Variants in B3GALT1 observed in about 807,000 individuals in gnomAD.
B3GALT1 encodes beta-1,3-galactosyltransferase 1, also known as UDP-Gal:betaGlcNAc beta 1,3-galactosyltransferase, polypeptide 1.
B3GALT1 carries 10 observed loss-of-function variants against 23.2 expected under a neutral mutation model. The observed-to-expected ratio is 0.43, with a 90% CI of 0.27 to 0.73. The LOEUF (loss-of-function observed/expected upper bound fraction) is 0.73, where lower values mean the gene tolerates loss of function less well. Among genes scored for constraint, B3GALT1 ranks in the 30% least tolerant of loss-of-function variants. The pLI is 0.21. For synonymous variants in B3GALT1, 156 were observed against 141.5 expected (o/e 1.10, Z -0.73); for missense variants, 299 against 405.4 (o/e 0.74, Z 2.25).
intron 2 of B3GALT1, among the ~76,000 whole-genome samples, chr2:167,555,124 G>A (rs1345884569): frequency 1.3e-5 from 2 of 152,114 alleles, no homozygotes; most frequent in African/African-American, 2.4e-5. Context: ...CTATGTATAT[G>A]CTTCACTTTT....
chr2:167,491,446 A>G (rs1699708041), intron 2 of B3GALT1, among the ~76,000 whole-genome samples: 2 of 148,436 alleles, frequency 1.3e-5, no homozygotes, highest in South Asian at 2.2e-4. Flanking sequence ...GGTTTGGTTT[A>G]ATTTTAACAA....
chr2:167,559,508 A>G (rs144269067), intron 2 of B3GALT1, among the ~76,000 whole-genome samples: 5,217 of 152,290 alleles, frequency 0.034, 150 homozygotes, highest in African/African-American at 0.082. Context: ...GAACTACTCC[A>G]AGCTACAGGA....
chr2:167,313,254 T>C (rs1574028617), intron 1 of B3GALT1, among the ~76,000 whole-genome samples: 1 of 152,122 alleles, frequency 6.6e-6, no homozygotes, highest in African/African-American at 2.4e-5. Flanking sequence ...TTTGCCTGGC[T>C]GTTCCCTACT....
At chr2:167,334,592 A>G (rs775075157) in intron 1 of B3GALT1, among the ~76,000 whole-genome samples, 7 of 152,346 alleles carry the variant, frequency 4.6e-5, no homozygotes, top group African/African-American at 1.7e-4. Flanking sequence ...AGAAGTTGAA[A>G]TGAGCAATAA....
intron 1 of B3GALT1, among the ~76,000 whole-genome samples, chr2:167,466,289 A>G (rs1032838538): frequency 6.6e-6 from 1 of 152,190 alleles, no homozygotes; most frequent in African/African-American, 2.4e-5. Context: ...GTATACATTA[A>G]GAAATTTTCA....
chr2:167,777,980 C>T (rs1688189824), intron 3 of B3GALT1, among the ~76,000 whole-genome samples: 1 of 151,846 alleles, frequency 6.6e-6, no homozygotes, highest in Non-Finnish European at 1.5e-5. Flanking sequence ...AAACATCCTA[C>T]AATGCACAGG....
intron 1 of B3GALT1, among the ~76,000 whole-genome samples, chr2:167,296,427 C>T (rs1696350920): frequency 6.6e-6 from 1 of 152,144 alleles, no homozygotes; most frequent in Admixed American, 6.5e-5. Context: ...AAAACTTCAA[C>T]TGGTTAGTAA....
chr2:167,468,967 G>C (rs896996044), intron 1 of B3GALT1, among the ~76,000 whole-genome samples: 1 of 152,178 alleles, frequency 6.6e-6, no homozygotes, highest in Non-Finnish European at 1.5e-5. Context: ...ATCCAATATT[G>C]TACTGGACCA....
intron 2 of B3GALT1, among the ~76,000 whole-genome samples, chr2:167,548,402 T>G (rs1683678465): frequency 6.6e-6 from 1 of 152,222 alleles, no homozygotes; most frequent in African/African-American, 2.4e-5. Context: ...TCCCAGATGC[T>G]TGGCATCTCA....
chr2:167,368,328 G>A (rs1021233987), intron 1 of B3GALT1, among the ~76,000 whole-genome samples: 1 of 152,010 alleles, frequency 6.6e-6, no homozygotes, highest in Non-Finnish European at 1.5e-5. Context: ...GATTAAATAC[G>A]GAAACTATTA....
chr2:167,827,007 G>A (rs75449968), intron 4 of B3GALT1, among the ~76,000 whole-genome samples: 1,676 of 152,204 alleles, frequency 0.011, 36 homozygotes, highest in African/African-American at 0.038. Context: ...AATAAATCAC[G>A]TATTTTTCCA....
At chr2:167,356,228 T>A (rs749796196) in intron 1 of B3GALT1, among the ~76,000 whole-genome samples, 7 of 152,196 alleles carry the variant, frequency 4.6e-5, no homozygotes, top group Admixed American at 6.5e-5. Context: ...AATGGAGATA[T>A]TTTGCATGTA....
intron 1 of B3GALT1, among the ~76,000 whole-genome samples, chr2:167,335,780 C>A (rs1475960345): frequency 2.0e-5 from 3 of 152,096 alleles, no homozygotes; most frequent in Non-Finnish European, 4.4e-5. Context: ...TTTACTGCAA[C>A]CTGTTTTATC....
chr2:167,452,767 T>G (rs903438665), intron 1 of B3GALT1, among the ~76,000 whole-genome samples: 6 of 152,198 alleles, frequency 3.9e-5, no homozygotes, highest in African/African-American at 1.4e-4. Flanking sequence ...ACATTAAATC[T>G]GATCAGGAGG....
chr2:167,457,378 G>A (rs537852529), intron 1 of B3GALT1, among the ~76,000 whole-genome samples: 6 of 151,836 alleles, frequency 4.0e-5, no homozygotes, highest in East Asian at 2.0e-4. Flanking sequence ...TCACCATGTC[G>A]GGCAGGCTGG....
intron 2 of B3GALT1, among the ~76,000 whole-genome samples, chr2:167,577,623 A>AT (rs879675494): frequency 6.6e-5 from 10 of 151,446 alleles, no homozygotes; most frequent in Non-Finnish European, 1.3e-4. Context: ...CATAATGAAT[A>AT]TTTTTTTTCC....
chr2:167,785,710 G>A (rs1688330266), intron 3 of B3GALT1, among the ~76,000 whole-genome samples: 1 of 152,232 alleles, frequency 6.6e-6, no homozygotes, highest in Non-Finnish European at 1.5e-5. Context: ...TTTAGCAGGA[G>A]TGCTTGGATC....
At chr2:167,631,783 T>C (rs1348708357) in intron 2 of B3GALT1, among the ~76,000 whole-genome samples, 1 of 150,132 alleles carries the variant, frequency 6.7e-6, no homozygotes, top group East Asian at 2.0e-4. Flanking sequence ...TTTTTTTTTT[T>C]TTTTTACTTA....
intron 2 of B3GALT1, among the ~76,000 whole-genome samples, chr2:167,499,441 C>A (rs1431910): frequency 6.6e-6 from 1 of 151,876 alleles, no homozygotes; most frequent in African/African-American, 2.4e-5. Flanking sequence ...TTATTTGGTA[C>A]TATGAGACTC....
Sources: allele counts gnomAD v4.1 joint callset (sites outside exome capture counted in the v4.1 genomes callset), GRCh38; gene constraint gnomAD v4.1.1; transcripts MANE v1.5; gene names NCBI Gene and HGNC (gene_info 2026-07-23, HGNC 2026-07-21).